ROR1: variants seen among roughly 807,000 people sequenced by gnomAD.
ROR1 encodes inactive tyrosine-protein kinase transmembrane receptor ROR1.
In ROR1, 19 loss-of-function variants were observed where a neutral mutation model predicts 78.8. The ratio of observed to expected loss-of-function variants is 0.24; its 90% CI spans 0.17 to 0.35. ROR1 has a LOEUF of 0.35. ROR1 is among the 10% of genes least tolerant of loss of function. The pLI, the probability that ROR1 is intolerant of heterozygous loss-of-function variation, is 1.00. For missense variants in ROR1, 917 were observed against 1,177.8 expected (o/e 0.78, Z 3.24); for synonymous variants, 386 against 433.6 (o/e 0.89, Z 1.36).
chr1:64,011,012 T>A (rs1404004748), intron 2 of ROR1, among the ~76,000 whole-genome samples: 2 of 152,216 alleles, frequency 1.3e-5, no homozygotes, highest in Non-Finnish European at 2.9e-5. Flanking sequence ...ATACATTCAC[T>A]GTAAGTTGTA....
At chr1:63,847,360 T>G (rs1019180154) in intron 1 of ROR1, among the ~76,000 whole-genome samples, 7 of 152,204 alleles carry the variant, frequency 4.6e-5, no homozygotes, top group Admixed American at 3.9e-4. Flanking sequence ...TTCAGTCTTC[T>G]GCTGTTTCTT....
intron 2 of ROR1, among the ~76,000 whole-genome samples, chr1:64,013,940 G>T (rs56274802): frequency 6.6e-6 from 1 of 152,224 alleles, no homozygotes; most frequent in South Asian, 2.1e-4. Flanking sequence ...CCTACCAGGC[G>T]TGAGGCACCT....
At chr1:64,025,183 C>T (rs1646597921) in intron 2 of ROR1, among the ~76,000 whole-genome samples, 1 of 152,126 alleles carries the variant, frequency 6.6e-6, no homozygotes, top group Non-Finnish European at 1.5e-5. Flanking sequence ...CTAGGAAGGG[C>T]AGCAGATTAG....
At chr1:63,918,911 A>T (rs1034684861) in intron 1 of ROR1, among the ~76,000 whole-genome samples, 10 of 152,196 alleles carry the variant, frequency 6.6e-5, no homozygotes, top group Non-Finnish European at 1.0e-4. Context: ...ATGAGGAAAT[A>T]CCTTTAACCA....
At chr1:64,072,402 A>G (rs1647011575) in intron 4 of ROR1, among the ~76,000 whole-genome samples, 1 of 152,156 alleles carries the variant, frequency 6.6e-6, no homozygotes, top group African/African-American at 2.4e-5. Flanking sequence ...AAGCTCTATC[A>G]GTTCTCACTG....
intron 1 of ROR1, among the ~76,000 whole-genome samples, chr1:63,994,490 G>A (rs1385795427): frequency 6.6e-6 from 1 of 152,072 alleles, no homozygotes; most frequent in Non-Finnish European, 1.5e-5. Flanking sequence ...ATAGATTTTT[G>A]TGTCAAACTT....
At chr1:64,078,452 G>A (rs1355516800) in intron 4 of ROR1, among the ~76,000 whole-genome samples, 5 of 152,188 alleles carry the variant, frequency 3.3e-5, no homozygotes, top group African/African-American at 9.7e-5. Flanking sequence ...TTCAAATGTG[G>A]AAGACTGTAA....
intron 1 of ROR1, among the ~76,000 whole-genome samples, chr1:63,994,599 C>A (rs1337645436): frequency 6.6e-6 from 1 of 152,134 alleles, no homozygotes; most frequent in African/African-American, 2.4e-5. Context: ...GAAGAGGGTC[C>A]TCCTAGTGGA....
Position 63,890,419 on chromosome 1 carries a change from G to A in ROR1, c.91+115911G>A, listed in dbSNP as rs1242421065. Among the ~76,000 whole-genome samples the A allele has an allele frequency of 2.7e-5, 4 of 149,760 alleles. No homozygotes were observed. The Admixed American group carries it at 2.7e-4, about 10-fold the overall frequency. On this transcript the variant is annotated intron_variant, in intron 1 of 8. Coordinates refer to ENST00000371079, the MANE Select transcript of ROR1 (RefSeq NM_005012.4). ...ACCTGTCCTGTGCTACATGTAATAG[G>A]TATAAAATTCCATACTAGATATGAG...
At chr1:63,953,882 G>A (rs987767971) in intron 1 of ROR1, among the ~76,000 whole-genome samples, 2 of 152,286 alleles carry the variant, frequency 1.3e-5, no homozygotes, top group East Asian at 3.9e-4. Context: ...AGAAAATGTG[G>A]AACTAGATGC....
chr1:63,848,890 C>T (rs767998612), intron 1 of ROR1, among the ~76,000 whole-genome samples: 17 of 152,086 alleles, frequency 1.1e-4, no homozygotes, highest in African/African-American at 3.4e-4. Context: ...CTCAGTAAAC[C>T]GAGTGAACAG....
intron 1 of ROR1, among the ~76,000 whole-genome samples, chr1:63,992,093 C>T (rs961661697): frequency 3.3e-5 from 5 of 151,712 alleles, no homozygotes; most frequent in African/African-American, 4.8e-5. Context: ...TAAAAAAACC[C>T]GACAACCCTT....
Position 63,985,857 on chromosome 1 carries a change from A to G in ROR1, c.92-23448A>G, listed in dbSNP as rs1277937450. On this transcript the variant is annotated intron_variant, in intron 1 of 8. Transcript: ENST00000371079. The stretch of plus-strand genomic sequence containing the variant: ...TAAGATATCTCATTGTTTGTATGCA[A>G]ATATTCTAAAATCTGAAAAAATCCA... Among the ~76,000 whole-genome samples, 4 of 152,096 alleles carry G rather than the reference A, an allele frequency of 2.6e-5. 1 individual carries two copies. Among genetic ancestry groups the G allele is most frequent in the South Asian group, 4.1e-4 (2 of 4,820 alleles).
intron 1 of ROR1, among the ~76,000 whole-genome samples, chr1:63,899,735 C>G (rs1645470342): frequency 6.6e-6 from 1 of 151,770 alleles, no homozygotes; most frequent in African/African-American, 2.4e-5. Context: ...GTTCTTTGCT[C>G]TCTGTATAGA....
At chr1:63,941,591 G>A (rs1645840895) in intron 1 of ROR1, among the ~76,000 whole-genome samples, 1 of 152,156 alleles carries the variant, frequency 6.6e-6, no homozygotes, top group Non-Finnish European at 1.5e-5. Context: ...TTTCAAGTGG[G>A]GATAACATAA....
intron 4 of ROR1, among the ~76,000 whole-genome samples, chr1:64,069,325 T>C (rs1227456403): frequency 6.6e-6 from 1 of 152,234 alleles, no homozygotes; most frequent in African/African-American, 2.4e-5. Flanking sequence ...CGTCTCTTTT[T>C]TCCATTACTT....
chr1:63,877,546 G>A (rs1159460282), intron 1 of ROR1, among the ~76,000 whole-genome samples: 2 of 152,228 alleles, frequency 1.3e-5, no homozygotes, highest in East Asian at 1.9e-4. Flanking sequence ...TGGCCCTGGA[G>A]GGAGTAGGGT....
At chr1:63,821,984 G>T (rs1427528839) in intron 1 of ROR1, among the ~76,000 whole-genome samples, 1 of 152,182 alleles carries the variant, frequency 6.6e-6, no homozygotes. Flanking sequence ...TTCATGAAAA[G>T]CCATATTTGG....
chr1:63,969,473 A>G (rs11800857), intron 1 of ROR1, among the ~76,000 whole-genome samples: 3,853 of 152,198 alleles, frequency 0.025, 166 homozygotes, highest in African/African-American at 0.088. Context: ...GACTCATAGC[A>G]CTGGTAGTCA....
Sources: gnomAD v4.1 joint callset for allele counts (sites outside exome capture counted in the v4.1 genomes callset) on GRCh38, gnomAD v4.1.1 for gene constraint, MANE v1.5 for transcripts, NCBI Gene and HGNC (gene_info 2026-07-23, HGNC 2026-07-21) for gene names.